Variants in ADGRL3 observed in about 807,000 individuals in gnomAD.
ADGRL3 encodes calcium-independent alpha-latrotoxin receptor 3.
A neutral mutation model predicts 153.5 loss-of-function variants in ADGRL3; 62 were observed. The observed-to-expected ratio is 0.40, with a 90% CI of 0.33 to 0.50. The LOEUF (loss-of-function observed/expected upper bound fraction) is 0.50, where lower values mean the gene tolerates loss of function less well. ADGRL3 is among the 20% of genes least tolerant of loss of function. The pLI is 0.47. For synonymous variants in ADGRL3, 710 were observed against 672.5 expected (o/e 1.06, Z -0.86); for missense variants, 1,641 against 1,859.4 (o/e 0.88, Z 2.16).
chr4:61,774,659 A>T (rs1459300828), intron 8 of ADGRL3, among the ~76,000 whole-genome samples: 1 of 152,150 alleles, frequency 6.6e-6, no homozygotes, highest in Non-Finnish European at 1.5e-5. Flanking sequence ...ACTGTATGGT[A>T]CAATATAATA....
intron 6 of ADGRL3, among the ~76,000 whole-genome samples, chr4:61,709,347 G>A (rs1410662035): frequency 6.6e-6 from 1 of 152,044 alleles, no homozygotes; most frequent in Non-Finnish European, 1.5e-5. Flanking sequence ...CTGAGTATAA[G>A]TCATTTCCTT....
chr4:61,557,785 C>T (rs1452516403), intron 4 of ADGRL3, among the ~76,000 whole-genome samples: 1 of 151,132 alleles, frequency 6.6e-6, no homozygotes, highest in Non-Finnish European at 1.5e-5. Context: ...ATCAGGGTTT[C>T]AGTGTTTTTT....
chr4:61,210,944 A>G (rs190591486), intron 1 of ADGRL3, among the ~76,000 whole-genome samples: 178 of 152,296 alleles, frequency 1.2e-3, no homozygotes, highest in African/African-American at 3.8e-3. Context: ...CTAGGCAGCC[A>G]TTTAAAAAAA....
intron 2 of ADGRL3, among the ~76,000 whole-genome samples, chr4:61,393,291 T>C (rs2096834479): frequency 6.6e-6 from 1 of 151,886 alleles, no homozygotes; most frequent in Non-Finnish European, 1.5e-5. Flanking sequence ...TGCACATTTT[T>C]AAAGACCTTA....
intron 5 of ADGRL3, among the ~76,000 whole-genome samples, chr4:61,651,780 T>A (rs2094264365): frequency 6.6e-6 from 1 of 150,822 alleles, no homozygotes; most frequent in Middle Eastern, 3.4e-3. Flanking sequence ...GCTATTTTTT[T>A]TTTTTTTTTT....
rs1228806580 is a variant in ADGRL3, at chr4:62,077,750, G to A, written c.*6842G>A. Reference sequence around the variant, plus strand: ...AAATGAGAAAAAAACATTTAAATTTGGTTTTCATGACTCATTTGAGAATAA... The same window carrying A: ...AAATGAGAAAAAAACATTTAAATTTAGTTTTCATGACTCATTTGAGAATAA... On this transcript the variant is annotated 3_prime_UTR_variant, in exon 27 of 27. Transcript: ENST00000683033. The A allele has an allele frequency of 1.3e-5, 2 of 151,816 alleles. No homozygotes were observed. Among genetic ancestry groups the A allele is most frequent in the Non-Finnish European group, 2.9e-5 (2 of 67,834 alleles). The allele number at this position is 151,816 out of a possible 1,614,324, so 9.4% of individuals were successfully genotyped here.
At chr4:61,589,270 G>T (rs976137821) in intron 5 of ADGRL3, among the ~76,000 whole-genome samples, 2 of 152,022 alleles carry the variant, frequency 1.3e-5, no homozygotes, top group Non-Finnish European at 2.9e-5. Flanking sequence ...TTTCTCACTT[G>T]CCTTTTAACT....
chr4:61,933,860 T>A (rs1185320424), intron 13 of ADGRL3: 1 of 152,208 alleles, frequency 6.6e-6, no homozygotes, highest in African/African-American at 2.4e-5. Context: ...TGCTGCCTGT[T>A]AACTGTGCCT....
chr4:61,767,573 G>A (rs1387932110), intron 8 of ADGRL3, among the ~76,000 whole-genome samples: 4 of 152,102 alleles, frequency 2.6e-5, no homozygotes. Context: ...CAGCCGGTAA[G>A]CCAAGAAGGA....
At chr4:61,237,897 G>A (rs1753433539) in intron 1 of ADGRL3, among the ~76,000 whole-genome samples, 1 of 152,130 alleles carries the variant, frequency 6.6e-6, no homozygotes, top group South Asian at 2.1e-4. Context: ...ACAATACACT[G>A]CCGGGTAACT....
At chr4:61,500,958 A>T (rs1224044146) in intron 3 of ADGRL3, among the ~76,000 whole-genome samples, 1 of 152,132 alleles carries the variant, frequency 6.6e-6, no homozygotes, top group African/African-American at 2.4e-5. Flanking sequence ...TCCAATTCCT[A>T]TCAAGGCCAT....
intron 2 of ADGRL3, among the ~76,000 whole-genome samples, chr4:61,482,434 G>T (rs1051839090): frequency 6.6e-6 from 1 of 151,936 alleles, no homozygotes; most frequent in Non-Finnish European, 1.5e-5. Flanking sequence ...ATTTCTAGCC[G>T]GAGCCAAATA....
chr4:61,762,006 G>A (rs74856576), intron 8 of ADGRL3, among the ~76,000 whole-genome samples: 13,257 of 152,224 alleles, frequency 0.087, 1,229 homozygotes, highest in African/African-American at 0.23. Context: ...ATTTATTAGA[G>A]TATGTTTCAT....
chr4:61,807,007 T>A (rs1034844936), intron 8 of ADGRL3, among the ~76,000 whole-genome samples: 2 of 148,708 alleles, frequency 1.3e-5, no homozygotes, highest in African/African-American at 2.5e-5. Flanking sequence ...AAACAAGAAA[T>A]AATAAAAATA....
At chr4:61,409,229 A>ATATATATTAGACATACATAATATGTAT (rs2097049239) in intron 2 of ADGRL3, among the ~76,000 whole-genome samples, 2 of 136,602 alleles carry the variant, frequency 1.5e-5, no homozygotes, top group East Asian at 4.4e-4. Context: ...AATATATATT[A>ATATATATTAGACATACATAATATGTAT]TATATATTAG....
intron 21 of ADGRL3, among the ~76,000 whole-genome samples, chr4:62,027,363 ATGGAC>A (rs1002808332): frequency 1.4e-4 from 21 of 151,992 alleles, no homozygotes; most frequent in Non-Finnish European, 2.5e-4. Flanking sequence ...TTCTGTGATG[ATGGAC>A]ATGTCCATTA....
At chr4:62,060,195 A>G (rs1372475698) in intron 25 of ADGRL3, among the ~76,000 whole-genome samples, 4 of 151,934 alleles carry the variant, frequency 2.6e-5, no homozygotes, top group African/African-American at 7.2e-5. Flanking sequence ...CTTTTTTCAA[A>G]TTATCTTCTT....
chr4:62,017,945 G>T (rs534124487), intron 21 of ADGRL3, among the ~76,000 whole-genome samples: 1 of 151,922 alleles, frequency 6.6e-6, no homozygotes, highest in Non-Finnish European at 1.5e-5. Flanking sequence ...GTACAGTGGC[G>T]TGATCTTGGC....
chr4:61,414,120 G>T (rs1342038158), intron 2 of ADGRL3, among the ~76,000 whole-genome samples: 2 of 152,178 alleles, frequency 1.3e-5, no homozygotes, highest in Non-Finnish European at 2.9e-5. Flanking sequence ...AACAAGTCAG[G>T]AAATTATCTC....
Sources: gnomAD v4.1 joint callset for allele counts (sites outside exome capture counted in the v4.1 genomes callset) on GRCh38, gnomAD v4.1.1 for gene constraint, MANE v1.5 for transcripts, NCBI Gene and HGNC (gene_info 2026-07-23, HGNC 2026-07-21) for gene names.